Variants in TLR10 observed in about 807,000 individuals in gnomAD.
TLR10 encodes toll-like receptor 10.
For missense variants in TLR10, 929 were observed against 932.9 expected (o/e 1.00, Z 0.05); for synonymous variants, 288 against 338.8 (o/e 0.85, Z 1.65).
chr4:38,782,910 A>C lies in TLR10; in HGVS notation c.-569+11T>G, dbSNP rs1167793436. On this transcript the variant is annotated intron_variant, in intron 1 of 3. Transcript: ENST00000308973. The stretch of plus-strand genomic sequence containing the variant: ...AATGAGAGTTACAACAAACAAAGCT[A>C]AGGTTCTTACCCCACGGCTTGCACT... The C allele has an allele frequency of 6.6e-6, 1 of 152,188 alleles. No individual in the cohort carries two copies. The highest frequency in any genetic ancestry group is 1.9e-4 in the East Asian group (1 of 5,196). The allele number at this position is 152,188 out of a possible 1,614,324, so 9.4% of individuals were successfully genotyped here.
In TLR10 at chr4:38,775,208, T is replaced by C; in HGVS notation, c.383A>G (p.Asp128Gly). Residue 128 changes from aspartate (D) to glycine (G), a missense_variant, in exon 4 of 4, where the codon GAC becomes GGC. Transcript: ENST00000308973. The part of the protein sequence containing the change: ...GLRYLDLSFN[D>G]FDTMPICEEA... The stretch of plus-strand genomic sequence containing the variant: ...CTCACAGATAGGCATGGTGTCAAAG[T>C]CATTAAAAGAAAGATCTAAATACCT... The C allele has an allele frequency of 1.9e-6, 3 of 1,612,840 alleles. No homozygotes were observed. The highest frequency in any genetic ancestry group is 2.5e-6 in the Non-Finnish European group (3 of 1,179,668).
Position 38,775,865 on chromosome 4 carries a change from T to A in TLR10, c.-153A>T. On this transcript the variant is annotated 5_prime_UTR_variant, in exon 3 of 4. Coordinates refer to ENST00000308973, the MANE Select transcript of TLR10 (RefSeq NM_030956.4). The stretch of plus-strand genomic sequence containing the variant: ...GCCATGTCTCCGTTGTTGAGGTAAG[T>A]CAGGATTCTCAGAGAGGAGAAGCAT... 1 of 285,208 alleles carries A rather than the reference T, an allele frequency of 3.5e-6. No homozygotes were observed. Among genetic ancestry groups the A allele is most frequent in the South Asian group, 9.6e-5 (1 of 10,450 alleles). The allele number at this position is 285,208 out of a possible 1,614,324, so 17.7% of individuals were successfully genotyped here. A position where few individuals can be genotyped will look rare whatever the true frequency, so the allele number is the denominator to read the frequency against.
chr4:38,774,198 GATGA>G lies in TLR10; in HGVS notation c.1389_1392del (p.His464Ter). ...ATATTTAGTTCTCGTAAGGCCATCA[GATGA>G]ATAGTCTCTTTAGGTACAGTTTGGA... On this transcript the variant is annotated frameshift_variant, in exon 4 of 4. Transcript: ENST00000308973. LOFTEE classifies it low-confidence loss of function (END_TRUNC). The G allele has an allele frequency of 6.2e-7, 1 of 1,613,528 alleles. No individual in the cohort carries two copies. Among genetic ancestry groups the G allele is most frequent in the Non-Finnish European group, 8.5e-7 (1 of 1,179,866 alleles).
chr4:38,782,258 G>C (rs1725456360), intron 1 of TLR10, among the ~76,000 whole-genome samples: 1 of 152,162 alleles, frequency 6.6e-6, no homozygotes, highest in African/African-American at 2.4e-5. Context: ...TTGCCTACAT[G>C]TATAAATATA....
In TLR10 at chr4:38,775,200, T is replaced by A. The variant is rs1348619287; in HGVS notation, c.391A>T (p.Thr131Ser). ...CCAGCTTCCTCACAGATAGGCATGGTGTCAAAGTCATTAAAAGAAAGATCT... is the reference window on the plus strand; with the variant it reads ...CCAGCTTCCTCACAGATAGGCATGGAGTCAAAGTCATTAAAAGAAAGATCT... Reference protein sequence around the residue: ...YLDLSFNDFDTMPICEEAGNM... With the variant: ...YLDLSFNDFDSMPICEEAGNM... The change falls in exon 4 of 4, where the codon ACC becomes TCC. Residue 131 changes from threonine to serine, a missense_variant. Physicochemically the swap from Thr to Ser is moderately conservative, Grantham distance 58. Coordinates refer to ENST00000308973, the MANE Select transcript of TLR10 (RefSeq NM_030956.4). 1.2e-6 allele frequency: 2 copies of A among 1,613,184 alleles called. No individual in the cohort carries two copies. The highest frequency in any genetic ancestry group is 2.2e-5 in the South Asian group (2 of 90,860).
At chr4:38,780,570 A>G (rs1725342590) in intron 1 of TLR10, among the ~76,000 whole-genome samples, 1 of 152,158 alleles carries the variant, frequency 6.6e-6, no homozygotes, top group Non-Finnish European at 1.5e-5. Context: ...GCATAAGACA[A>G]TGTATGTAAG....
chr4:38,775,051 A>G lies in TLR10; in HGVS notation c.540T>C (p.Tyr180=). Residue 180 remains tyrosine (Y), a synonymous_variant, in exon 4 of 4, where the codon TAT becomes TAC. Transcript: ENST00000308973. ...VFLGFRTLPH[Y]EEGSLPILNT... ...TTAAGATGGGCAGGCTACCTTCTTC[A>G]TAATGAGGAAGAGTTCTGAATCCTA... is the stretch of plus-strand genomic sequence containing the variant. The G allele has an allele frequency of 6.2e-7, 1 of 1,612,274 alleles. No individual in the cohort carries two copies. Among genetic ancestry groups the G allele is most frequent in the East Asian group, 2.2e-5 (1 of 44,876 alleles).
chr4:38,774,284 G>A lies in TLR10; in HGVS notation c.1307C>T (p.Ser436Phe), dbSNP rs1724875302. ...ACTTTTGGGCAAGCACCTGAAGACAGAATCAGACAATTTATTGTATGACAG... is the reference window on the plus strand; with the variant it reads ...ACTTTTGGGCAAGCACCTGAAGACAAAATCAGACAATTTATTGTATGACAG... ...MNLSYNKLSD[S>F]VFRCLPKSIQ... Residue 436 changes from serine (S) to phenylalanine (F), a missense_variant, in exon 4 of 4, where the codon TCT (serine) becomes TTT (phenylalanine). Transcript: ENST00000308973. 1 of 1,613,264 alleles carries A rather than the reference G, an allele frequency of 6.2e-7. No individual in the cohort carries two copies. The highest frequency in any genetic ancestry group is 1.7e-5 in the Admixed American group (1 of 59,838).
At position 38,775,050 on chromosome 4, in the gene TLR10, C is replaced by T. The variant is rs748903569; in HGVS notation, c.541G>A (p.Glu181Lys). ...TTTAAGATGGGCAGGCTACCTTCTT[C>T]ATAATGAGGAAGAGTTCTGAATCCT... ...FLGFRTLPHY[E>K]EGSLPILNTT... The change falls in exon 4 of 4, where the codon GAA (glutamate) becomes AAA (lysine). Residue 181 changes from glutamate to lysine, a missense_variant. Physicochemically the swap from Glu to Lys is moderately conservative, Grantham distance 56. Coordinates refer to ENST00000308973, the MANE Select transcript of TLR10 (RefSeq NM_030956.4). The T allele has an allele frequency of 4.3e-5, 69 of 1,612,062 alleles. 1 individual carries two copies. The South Asian group carries it at 7.5e-4, about 17-fold the overall frequency.
chr4:38,773,172 T>C lies in TLR10; in HGVS notation c.2419A>G (p.Arg807Gly), dbSNP rs1235636799. 1 of 1,535,450 alleles carries C rather than the reference T, an allele frequency of 6.5e-7. No individual in the cohort carries two copies. Among genetic ancestry groups the C allele is most frequent in the Non-Finnish European group, 8.7e-7 (1 of 1,146,384 alleles). ...GTGGGATTTTATAGACAATCTGTTC[T>C]CATCAGAGAGATTGTAGAACCTCGA... ...ESRGSTISLM[R>G]TDCL Residue 807 changes from arginine to glycine, a missense_variant, in exon 4 of 4, where the codon AGA becomes GGA. Physicochemically the swap from Arg to Gly is moderately radical, Grantham distance 125 (BLOSUM62 -2). Transcript: ENST00000308973.
intron 1 of TLR10, among the ~76,000 whole-genome samples, chr4:38,782,219 C>G (rs10031946): frequency 0.085 from 13,011 of 152,180 alleles, 1,210 homozygotes; most frequent in African/African-American, 0.24. Context: ...GTGGGACACT[C>G]TGCTAGGTGC....
chr4:38,778,482 T>C (rs1384638334), intron 1 of TLR10, among the ~76,000 whole-genome samples: 1 of 151,402 alleles, frequency 6.6e-6, no homozygotes, highest in Admixed American at 6.6e-5. Flanking sequence ...ATTCCTCTGT[T>C]TGTTGGGTGG....
Position 38,774,450 on chromosome 4 carries a change from C to A in TLR10, c.1141G>T (p.Gly381Cys). Residue 381 changes from glycine to cysteine, a missense_variant, in exon 4 of 4, where the codon GGC becomes TGC. Coordinates refer to ENST00000308973, the MANE Select transcript of TLR10 (RefSeq NM_030956.4). ...AAAGAAAGTGTCTCCAGTTTATTGC[C>A]ATTCAAAATGAGAGTTTTCAAGTGA... is the stretch of plus-strand genomic sequence containing the variant. ...LPHLKTLILN[G>C]NKLETLSLVS... is the part of the protein sequence containing the mutation. The A allele has an allele frequency of 6.2e-7, 1 of 1,611,878 alleles. No individual in the cohort carries two copies. The highest frequency in any genetic ancestry group is 1.1e-5 in the South Asian group (1 of 90,322).
At position 38,774,317 on chromosome 4, in the gene TLR10, T is replaced by C. The variant is rs759281915; in HGVS notation, c.1274A>G (p.Asn425Ser). 1.9e-6 allele frequency: 3 copies of C among 1,611,310 alleles called. No homozygotes were observed. The highest frequency in any genetic ancestry group is 1.7e-5 in the Admixed American group (1 of 59,408). Residue 425 changes from asparagine to serine, a missense_variant, in exon 4 of 4, where the codon AAT becomes AGT. Transcript: ENST00000308973. ...CAATTTATTGTATGACAGATTCATA[T>C]TGACCACAGTTTCTGGCCATGAGCA... ...ENCSWPETVV[N>S]MNLSYNKLSD...
At position 38,773,829 on chromosome 4, in the gene TLR10, G is replaced by A. The variant is rs767983459; in HGVS notation, c.1762C>T (p.Leu588=). ...AAGGCCACAGCCAACCCCAGAACTA[G>A]CATAATAACCACAATGGTGACAATC... ...LLIVTIVVIM[L]VLGLAVAFCC... Residue 588 remains leucine, a synonymous_variant, in exon 4 of 4, where the codon CTA becomes TTA. Transcript: ENST00000308973. 1 of 1,587,568 alleles carries A rather than the reference G, an allele frequency of 6.3e-7. No homozygotes were observed. The highest frequency in any genetic ancestry group is 8.6e-7 in the Non-Finnish European group (1 of 1,168,592).
chr4:38,778,800 A>G (rs1725219839), intron 1 of TLR10, among the ~76,000 whole-genome samples: 1 of 152,174 alleles, frequency 6.6e-6, no homozygotes, highest in South Asian at 2.1e-4. Context: ...CTCAACAGAA[A>G]GAGGATGGGT....
At position 38,772,978 on chromosome 4, in the gene TLR10, T is replaced by C. The variant is rs1237232315; in HGVS notation, c.*177A>G. ...GAACACCTTTTTCCATAAGCCCTTA[T>C]AAACTTGTGAAGGTGTTTCTATAGG... On this transcript the variant is annotated 3_prime_UTR_variant, in exon 4 of 4. Transcript: ENST00000308973. The C allele has an allele frequency of 3.7e-6, 2 of 535,484 alleles. No homozygotes were observed. The highest frequency in any genetic ancestry group is 2.0e-5 in the African/African-American group (1 of 50,636). 33.2% of individuals were successfully genotyped at this position (535,484 alleles called of 1,614,324 possible). A position where few individuals can be genotyped will look rare whatever the true frequency, so the allele number is the denominator to read the frequency against.
Position 38,774,944 on chromosome 4 carries a change from AT to A in TLR10, c.646del (p.Ile216TyrfsTer2). The A allele has an allele frequency of 6.2e-7, 1 of 1,612,830 alleles. No individual in the cohort carries two copies. Among genetic ancestry groups the A allele is most frequent in the East Asian group, 2.2e-5 (1 of 44,860 alleles). ...GCCATCTATATTTGTCATTTCTAAT[AT>A]TTTTGAAGTCTTGATTCCATCACGC... ...LLRDGIKTSK[I>X]LEMTNIDGKS... On this transcript the variant is annotated frameshift_variant, in exon 4 of 4. Transcript: ENST00000308973. LOFTEE classifies it low-confidence loss of function (END_TRUNC).
chr4:38,774,965 T>C lies in TLR10; in HGVS notation c.626A>G (p.Asp209Gly). The change falls in exon 4 of 4, where the codon GAT becomes GGT. Residue 209 changes from aspartate (D) to glycine (G), a missense_variant. Transcript: ENST00000308973. ...MDTNFWVLLRDGIKTSKILEM... is the reference protein window; with the variant it reads ...MDTNFWVLLRGGIKTSKILEM... ...TAATATTTTTGAAGTCTTGATTCCA[T>C]CACGCAAAAGAACCCAGAAATTTGT... The C allele has an allele frequency of 6.2e-7, 1 of 1,613,554 alleles. No homozygotes were observed. The highest frequency in any genetic ancestry group is 8.5e-7 in the Non-Finnish European group (1 of 1,179,888).
Sources: allele counts gnomAD v4.1 joint callset (sites outside exome capture counted in the v4.1 genomes callset), GRCh38; gene constraint gnomAD v4.1.1; transcripts MANE v1.5; gene names NCBI Gene and HGNC (gene_info 2026-07-23, HGNC 2026-07-21).